Variants in SAP130 observed in about 807,000 individuals in gnomAD.
SAP130 encodes histone deacetylase complex subunit SAP130.
In SAP130, 16 loss-of-function variants were observed where a neutral mutation model predicts 103.2. The ratio of observed to expected loss-of-function variants is 0.16; its 90% CI spans 0.10 to 0.24. SAP130 has a LOEUF of 0.24. SAP130 is among the 10% of genes least tolerant of loss of function. The pLI, the probability that SAP130 is intolerant of heterozygous loss-of-function variation, is 1.00. For missense variants in SAP130, 990 were observed against 1,359.7 expected (o/e 0.73, Z 4.28); for synonymous variants, 477 against 497.0 (o/e 0.96, Z 0.53).
At chr2:128,019,093 C>T (rs1026818074) in intron 2 of SAP130, among the ~76,000 whole-genome samples, 1 of 150,986 alleles carries the variant, frequency 6.6e-6, no homozygotes, top group African/African-American at 2.4e-5. Flanking sequence ...GAGTGAGGCT[C>T]CATCTCAAAA....
At chr2:128,001,026 C>G (rs970270357) in intron 7 of SAP130, among the ~76,000 whole-genome samples, 2 of 152,312 alleles carry the variant, frequency 1.3e-5, no homozygotes, top group Admixed American at 6.5e-5. Context: ...TTTGGATTAA[C>G]AGCAGCTTAA....
chr2:128,016,299 C>G, intron 4 of SAP130, 90 bp downstream of exon 4: 1 of 1,320,500 alleles, frequency 7.6e-7, no homozygotes, highest in Non-Finnish European at 1.1e-6. Flanking sequence ...TTTTTATTAC[C>G]GTGACTAATG....
intron 7 of SAP130, among the ~76,000 whole-genome samples, chr2:128,004,562 T>C (rs1683826044): frequency 6.6e-6 from 1 of 151,890 alleles, no homozygotes; most frequent in African/African-American, 2.4e-5. Context: ...TAAGGAAGTA[T>C]AATACTCCAA....
intron 15 of SAP130, among the ~76,000 whole-genome samples, chr2:127,967,081 A>C: frequency 6.6e-6 from 1 of 152,208 alleles, no homozygotes; most frequent in East Asian, 1.9e-4. Flanking sequence ...CTATATTAAT[A>C]AAAGATTCAT....
In SAP130 at chr2:127,953,879, T is replaced by TATAC. The variant is rs376522182; in HGVS notation, c.2422+1103_2422+1106dup. 2.5e-3 allele frequency among the ~76,000 whole-genome samples: 388 copies of TATAC among 152,288 alleles called. 1 individual carries two copies. The highest frequency in any genetic ancestry group is 8.5e-3 in the African/African-American group (355 of 41,548). Reference sequence around the variant, plus strand: ...ATAGAACTTATCACCCAAACATATATATACATACATACATACATATATAAT... The same window carrying TATAC: ...ATAGAACTTATCACCCAAACATATATATACATACATACATACATACATATATAAT... On this transcript the variant is annotated intron_variant, in intron 16 of 20. Coordinates refer to ENST00000643581, the MANE Select transcript of SAP130 (RefSeq NM_001330301.2). The surrounding 1 kb of genome is among the most constrained non-coding windows in gnomAD (Gnocchi z 4.0).
At position 127,973,262 on chromosome 2, in the gene SAP130, C is replaced by T. The variant is rs138444009; in HGVS notation, c.2063+4723G>A. 5.3e-5 allele frequency among the ~76,000 whole-genome samples: 8 copies of T among 152,286 alleles called. No homozygotes were observed. The East Asian group carries it at 1.4e-3, about 26-fold the overall frequency. On this transcript the variant is annotated intron_variant, in intron 15 of 20. Coordinates refer to ENST00000643581, the MANE Select transcript of SAP130 (RefSeq NM_001330301.2). ...TTTTTGTTGTTGTGAGATGAACTTT[C>T]GCTCTTGTTGCCCAGGCTGGAGTGC...
chr2:127,978,088 T>A lies in SAP130; in HGVS notation c.1960A>T (p.Met654Leu), dbSNP rs753076760. Residue 654 changes from methionine (M) to leucine (L), a missense_variant and splice_region_variant, in exon 15 of 21, where the codon ATG becomes TTG. Around this residue, in one of 6 missense-constraint regions of SAP130, gnomAD observed 349 missense variants for 384.1 expected, o/e 0.91. Transcript: ENST00000643581. Reference protein sequence around the residue: ...ILRKKPATDGMAVRKTLIPPQ... With the variant: ...ILRKKPATDGLAVRKTLIPPQ... Reference sequence around the variant, plus strand: ...GGAATGAGGGTTTTCCGAACTGCCATTCTGAAAGAGACAAGAGACAAACCC... The same window carrying A: ...GGAATGAGGGTTTTCCGAACTGCCAATCTGAAAGAGACAAGAGACAAACCC... 1 of 1,551,208 alleles carries A rather than the reference T, an allele frequency of 6.4e-7. No individual in the cohort carries two copies. The highest frequency in any genetic ancestry group is 1.2e-5 in the South Asian group (1 of 84,046).
intron 12 of SAP130, among the ~76,000 whole-genome samples, chr2:127,990,555 G>C (rs1682716964): frequency 1.3e-5 from 2 of 152,090 alleles, no homozygotes; most frequent in African/African-American, 4.8e-5. Flanking sequence ...AAATAAACAA[G>C]TATCTTACAA....
chr2:127,989,178 A>C lies in SAP130; in HGVS notation c.1780+386T>G, dbSNP rs1394861279. 6.6e-6 allele frequency among the ~76,000 whole-genome samples: 1 copy of C among 151,158 alleles called. No individual in the cohort carries two copies. The highest frequency in any genetic ancestry group is 2.4e-5 in the African/African-American group (1 of 41,022). ...CAGTGGCGTGATCTCGGCTCACTGC[A>C]AGCTCCACATCCCCAGTTCACGCCA... On this transcript the variant is annotated intron_variant, in intron 13 of 20. Coordinates refer to ENST00000643581, the MANE Select transcript of SAP130 (RefSeq NM_001330301.2). This position sits in a 1 kb window ranked among gnomAD's most constrained non-coding sequence, Gnocchi z 4.6.
In SAP130 at chr2:127,970,384, T is replaced by TA. The variant is rs570927671; in HGVS notation, c.2063+7600dup. Among the ~76,000 whole-genome samples the TA allele has an allele frequency of 5.3e-4, 79 of 150,174 alleles. No homozygotes were observed. In the East Asian group the frequency reaches 0.014, roughly 26 times the overall value. On this transcript the variant is annotated intron_variant, in intron 15 of 20. Coordinates refer to ENST00000643581, the MANE Select transcript of SAP130 (RefSeq NM_001330301.2). ...GGTGAAACCCTGTCTCTACTAAAAATACAAAAATTAGCTGGGCATGGTGAT... is the reference window on the plus strand; with the variant it reads ...GGTGAAACCCTGTCTCTACTAAAAATAACAAAAATTAGCTGGGCATGGTGAT...
chr2:128,026,403 C>T (rs1395171399), intron 1 of SAP130, 105 bp from the exon 2 acceptor site: 1 of 708,598 alleles, frequency 1.4e-6, no homozygotes. Context: ...CTTGGAAAAG[C>T]AAATGCTGCA....
rs1170049339 is a variant in SAP130, at chr2:127,978,840, T to TA, written c.1959-752dup. Among the ~76,000 whole-genome samples, 13 of 151,802 alleles carry TA rather than the reference T, an allele frequency of 8.6e-5. No homozygotes were observed. In the East Asian group the frequency reaches 2.3e-3, roughly 27 times the overall value. On this transcript the variant is annotated intron_variant, in intron 14 of 20. Coordinates refer to ENST00000643581, the MANE Select transcript of SAP130 (RefSeq NM_001330301.2). ...AAGTAGTCTTGCCATAAGAAGAAAT[T>TA]AAAAAAAAGAAAAATCAGATCAAAC...
chr2:127,986,677 A>C lies in SAP130; in HGVS notation c.1958+108T>G. The C allele has an allele frequency of 8.0e-7, 1 of 1,248,350 alleles. No individual in the cohort carries two copies. The highest frequency in any genetic ancestry group is 1.1e-6 in the Non-Finnish European group (1 of 885,702). 77.3% of individuals were successfully genotyped at this position (1,248,350 alleles called of 1,614,324 possible). A position where few individuals can be genotyped will look rare whatever the true frequency, so the allele number is the denominator to read the frequency against. ...TTTGGAGGAAATTTTAACACACCAC[A>C]GAAAATGAGAGATGAGTTTGATACC... On this transcript the variant is annotated intron_variant, in intron 14 of 20. Coordinates refer to ENST00000643581, the MANE Select transcript of SAP130 (RefSeq NM_001330301.2). The surrounding 1 kb of genome is among the most constrained non-coding windows in gnomAD (Gnocchi z 4.7).
chr2:127,977,552 A>G (rs1681556543), intron 15 of SAP130, among the ~76,000 whole-genome samples: 1 of 152,128 alleles, frequency 6.6e-6, no homozygotes, highest in African/African-American at 2.4e-5. Flanking sequence ...TTTGAATGCC[A>G]TAGCAACTGG....
At chr2:127,988,285 G>A (rs1233816884) in intron 13 of SAP130, among the ~76,000 whole-genome samples, 1 of 151,748 alleles carries the variant, frequency 6.6e-6, no homozygotes, top group East Asian at 2.0e-4. Flanking sequence ...TTACCCAGGT[G>A]TGGTGGCATG....
At chr2:128,025,019 A>AG (rs1426350804) in intron 2 of SAP130, among the ~76,000 whole-genome samples, 2 of 151,588 alleles carry the variant, frequency 1.3e-5, no homozygotes, top group African/African-American at 4.8e-5. Context: ...AAAAAAAAAA[A>AG]AAGCCTCAGC....
intron 10 of SAP130, among the ~76,000 whole-genome samples, chr2:127,998,449 G>A (rs961472327): frequency 6.6e-6 from 1 of 152,154 alleles, no homozygotes; most frequent in Non-Finnish European, 1.5e-5. Context: ...CTTGGAAAAA[G>A]TCACTTAGGT....
chr2:127,943,809 G>A (rs1335674443), intron 19 of SAP130, among the ~76,000 whole-genome samples: 1 of 152,208 alleles, frequency 6.6e-6, no homozygotes, highest in East Asian at 1.9e-4. Flanking sequence ...TATAAGCACT[G>A]TGCCCTTAGG....
chr2:128,017,703 A>G lies in SAP130; in HGVS notation c.325T>C (p.Ser109Pro), dbSNP rs564396232. ...PAHLTPAVPL[S>P]FSEGLMKPPP... is the part of the protein sequence containing the mutation. ...ACCTTCATAAGTCCCTCCGAAAATG[A>G]AAGTGGCACTGCTGGCGTCAGGTGT... The change falls in exon 3 of 21, where the codon TCA becomes CCA. Residue 109 changes from serine to proline, a missense_variant. By Grantham distance (74) the Ser-to-Pro change is moderately conservative (BLOSUM62 -1). Coordinates refer to ENST00000643581, the MANE Select transcript of SAP130 (RefSeq NM_001330301.2). 4 of 1,614,218 alleles carry G rather than the reference A, an allele frequency of 2.5e-6. No homozygotes were observed. Among genetic ancestry groups the G allele is most frequent in the South Asian group, 1.1e-5 (1 of 91,084 alleles).
Sources: allele counts gnomAD v4.1 joint callset (sites outside exome capture counted in the v4.1 genomes callset), GRCh38; gene constraint gnomAD v4.1.1; regional missense constraint gnomAD v4.1.1; non-coding constraint Gnocchi (gnomAD v3.1); transcripts MANE v1.5; gene names NCBI Gene and HGNC (gene_info 2026-07-23, HGNC 2026-07-21).